The following CDYL variants were observed in gnomAD, a reference collection of about 807,000 sequenced individuals.
The protein encoded by CDYL is chromodomain Y like, also known as chromodomain Y-like protein.
CDYL carries 8 observed loss-of-function variants against 47.3 expected under a neutral mutation model. That is an observed-to-expected ratio of 0.17 (90% CI 0.10 to 0.31). The LOEUF (loss-of-function observed/expected upper bound fraction) is 0.31. CDYL is among the 10% of genes least tolerant of loss of function. CDYL has a pLI of 1.00. For missense variants in CDYL, 471 were observed against 701.4 expected, an observed-to-expected ratio of 0.67 and a Z score of 3.71; for synonymous variants, 266 against 265.0, an observed-to-expected ratio of 1.00 and a Z score of -0.04.
At chr6:4,776,985 G>T (rs1758477253) in intron 1 of CDYL, among the ~76,000 whole-genome samples, 178 bp downstream of exon 1, 1 of 146,124 alleles carries the variant, frequency 6.8e-6, no homozygotes, top group Non-Finnish European at 1.5e-5. Context: ...GTTCCGAGGG[G>T]CCCCGGCCGG....
chr6:4,912,802 C>T (rs1482495715), intron 2 of CDYL, among the ~76,000 whole-genome samples: 2 of 152,194 alleles, frequency 1.3e-5, no homozygotes, highest in African/African-American at 4.8e-5. Context: ...TATGTGCCAG[C>T]TCAGCTCACT....
At chr6:4,894,703 G>A (rs1762145182) in intron 2 of CDYL, among the ~76,000 whole-genome samples, 1 of 152,156 alleles carries the variant, frequency 6.6e-6, no homozygotes, top group South Asian at 2.1e-4. Context: ...ACCTGCCTTG[G>A]CCTCCCAAAA....
intron 3 of CDYL, among the ~76,000 whole-genome samples, chr6:4,743,212 G>A (rs1340773148): frequency 6.6e-6 from 1 of 152,172 alleles, no homozygotes; most frequent in Non-Finnish European, 1.5e-5. Context: ...TCCATTGTCT[G>A]GCAAGGAACC....
At chr6:4,938,156 A>T (rs912393494) in intron 4 of CDYL, among the ~76,000 whole-genome samples, 6 of 152,164 alleles carry the variant, frequency 3.9e-5, no homozygotes, top group Admixed American at 1.3e-4. Context: ...TCGACTCTGA[A>T]GTAAATTGTC....
At chr6:4,824,479 C>T (rs974776584) in intron 1 of CDYL, among the ~76,000 whole-genome samples, 9 of 152,158 alleles carry the variant, frequency 5.9e-5, no homozygotes, top group African/African-American at 2.2e-4. Context: ...CTAATGAGTA[C>T]GATGAGCATC....
intron 1 of CDYL, among the ~76,000 whole-genome samples, chr6:4,823,688 A>G (rs1759902025): frequency 6.6e-6 from 1 of 152,178 alleles, no homozygotes; most frequent in Admixed American, 6.5e-5. Flanking sequence ...TTGTATCTCC[A>G]AAACTTTTAA....
intron 3 of CDYL, among the ~76,000 whole-genome samples, chr6:4,751,013 C>T (rs1010101471): frequency 6.6e-6 from 1 of 151,898 alleles, no homozygotes; most frequent in African/African-American, 2.4e-5. Flanking sequence ...CCACCACGCC[C>T]GGCTAATTTT....
At chr6:4,833,563 G>C (rs1332246639) in intron 1 of CDYL, among the ~76,000 whole-genome samples, 1,907 of 148,856 alleles carry the variant, frequency 0.013, 44 homozygotes, top group African/African-American at 0.047. Flanking sequence ...ATTTGGGGTG[G>C]AGAGTTCTGT....
chr6:4,728,690 G>C (rs573357740), intron 2 of CDYL, among the ~76,000 whole-genome samples: 1 of 152,244 alleles, frequency 6.6e-6, no homozygotes, highest in South Asian at 2.1e-4. Flanking sequence ...CAAGCCCCTG[G>C]ACAGAGGGCT....
intron 5 of CDYL, among the ~76,000 whole-genome samples, chr6:4,949,270 C>A (rs902230028): frequency 2.6e-5 from 4 of 152,322 alleles, no homozygotes; most frequent in African/African-American, 9.6e-5. Flanking sequence ...GGGTGTGAAG[C>A]TGGAGAATGC....
chr6:4,762,850 G>A (rs1222013832), intron 3 of CDYL, among the ~76,000 whole-genome samples: 5 of 152,100 alleles, frequency 3.3e-5, no homozygotes, highest in African/African-American at 1.2e-4. Context: ...CAGAAGGGAA[G>A]AAGAGACTGA....
intron 3 of CDYL, 44 bp from the exon 4 acceptor site, chr6:4,937,521 A>G: frequency 7.0e-7 from 1 of 1,434,796 alleles, no homozygotes; most frequent in Non-Finnish European, 9.3e-7. Flanking sequence ...TAAGATTTTA[A>G]ACCCAAAATA....
chr6:4,867,256 T>C (rs940329221), intron 1 of CDYL, among the ~76,000 whole-genome samples: 2 of 152,108 alleles, frequency 1.3e-5, no homozygotes, highest in Non-Finnish European at 2.9e-5. Flanking sequence ...TTTTAAAAAA[T>C]TTCTTAATTT....
chr6:4,755,829 T>C (rs1225543440), intron 3 of CDYL, among the ~76,000 whole-genome samples: 1 of 152,120 alleles, frequency 6.6e-6, no homozygotes, highest in African/African-American at 2.4e-5. Context: ...ACTGCAAAAC[T>C]TGAACTCAAG....
chr6:4,833,220 A>G (rs1373022647), intron 1 of CDYL, among the ~76,000 whole-genome samples: 1 of 144,506 alleles, frequency 6.9e-6, no homozygotes, highest in Non-Finnish European at 1.5e-5. Context: ...AGTGCTATAA[A>G]TTTCCCTCTA....
chr6:4,732,677 G>A (rs541240117), intron 2 of CDYL, among the ~76,000 whole-genome samples: 2 of 151,314 alleles, frequency 1.3e-5, no homozygotes, highest in Non-Finnish European at 2.9e-5. Context: ...AAAAAAAGAG[G>A]GGGGGATTGG....
At chr6:4,913,230 G>A (rs1757462265) in intron 2 of CDYL, among the ~76,000 whole-genome samples, 1 of 152,124 alleles carries the variant, frequency 6.6e-6, no homozygotes, top group South Asian at 2.1e-4. Flanking sequence ...TCTTGAATGA[G>A]GGTAATTTTA....
intron 1 of CDYL, among the ~76,000 whole-genome samples, chr6:4,791,247 A>C (rs1758908857): frequency 6.6e-6 from 1 of 152,350 alleles, no homozygotes; most frequent in East Asian, 1.9e-4. Context: ...GAGATGTGGA[A>C]ATCAGGATGT....
At position 4,892,379 on chromosome 6, in the gene CDYL, G is replaced by T; in HGVS notation, c.691G>T (p.Gly231Cys). Residue 231 changes from glycine to cysteine, a missense_variant and splice_region_variant, in exon 2 of 7, where the codon GGT becomes TGT. By Grantham distance (159) the Gly-to-Cys change is radical (BLOSUM62 -3). This residue lies in a region of CDYL where 311 missense variants were observed against 350.0 expected (regional missense o/e 0.89). Coordinates refer to ENST00000397588, the MANE Select transcript of CDYL (RefSeq NM_004824.4). ...CACAGGCTTAGCTGTTAACGGGAAA[G>T]GTGAGTGTCTAGGGAGCTGCTCAGG... ...MATGLAVNGK[G>C]TSPFMDALTA... 1 of 1,602,748 alleles carries T rather than the reference G, an allele frequency of 6.2e-7. No individual in the cohort carries two copies. The highest frequency in any genetic ancestry group is 8.5e-7 in the Non-Finnish European group (1 of 1,173,674).
Sources: gnomAD v4.1 joint callset for allele counts (sites outside exome capture counted in the v4.1 genomes callset) on GRCh38, gnomAD v4.1.1 for gene constraint, gnomAD v4.1.1 regional missense constraint, MANE v1.5 for transcripts, NCBI Gene and HGNC (gene_info 2026-07-23, HGNC 2026-07-21) for gene names.